The following MTUS2 variants were observed in gnomAD, a reference collection of about 807,000 sequenced individuals.
The protein encoded by MTUS2 is microtubule-associated tumor suppressor candidate 2.
A neutral mutation model predicts 114.1 loss-of-function variants in MTUS2; 40 were observed. The observed-to-expected ratio is 0.35, with a 90% CI of 0.27 to 0.46. The LOEUF is 0.46. MTUS2 is among the 20% of genes least tolerant of loss of function. The pLI is 1.00. For synonymous variants in MTUS2, 688 were observed against 672.0 expected, an observed-to-expected ratio of 1.02 and a Z score of -0.37; for missense variants, 1,679 against 1,705.4, an observed-to-expected ratio of 0.98 and a Z score of 0.27.
intron 5 of MTUS2, among the ~76,000 whole-genome samples, chr13:29,116,809 A>G (rs1048670948): frequency 2.6e-5 from 4 of 152,140 alleles, no homozygotes; most frequent in Non-Finnish European, 4.4e-5. Flanking sequence ...CCCATCCTGG[A>G]TGGGACTGAA....
intron 5 of MTUS2, among the ~76,000 whole-genome samples, chr13:29,148,201 T>A (rs2139028169): frequency 7.0e-6 from 1 of 142,540 alleles, no homozygotes; most frequent in South Asian, 2.2e-4. Flanking sequence ...GATGTTGAGC[T>A]TTTTTTTTTT....
chr13:28,951,542 T>C (rs1388978425), intron 2 of MTUS2, among the ~76,000 whole-genome samples: 1 of 152,184 alleles, frequency 6.6e-6, no homozygotes, highest in Non-Finnish European at 1.5e-5. Flanking sequence ...CTCACACCTG[T>C]AATCCCAGCA....
chr13:29,061,422 T>C (rs541697455), intron 4 of MTUS2, among the ~76,000 whole-genome samples: 164 of 152,354 alleles, frequency 1.1e-3, no homozygotes, highest in African/African-American at 3.7e-3. Flanking sequence ...GCCTCATAGC[T>C]GTTCTTTCCT....
At chr13:28,956,264 T>G (rs908350952) in intron 2 of MTUS2, among the ~76,000 whole-genome samples, 5 of 152,146 alleles carry the variant, frequency 3.3e-5, no homozygotes, top group African/African-American at 1.2e-4. Context: ...CCGCCATGGT[T>G]GTCACTAGCT....
At chr13:29,128,394 A>C (rs1891609358) in intron 5 of MTUS2, among the ~76,000 whole-genome samples, 1 of 152,216 alleles carries the variant, frequency 6.6e-6, no homozygotes, top group East Asian at 1.9e-4. Context: ...GCCCAGAGAC[A>C]GATGATGCAG....
intron 1 of MTUS2, among the ~76,000 whole-genome samples, chr13:28,832,958 T>G (rs1566165162): frequency 6.6e-6 from 1 of 151,962 alleles, no homozygotes; most frequent in Non-Finnish European, 1.5e-5. Context: ...TTCAACAAAT[T>G]ATATAACCTG....
intron 8 of MTUS2, among the ~76,000 whole-genome samples, chr13:29,408,415 A>G (rs1411380491): frequency 6.6e-6 from 1 of 152,202 alleles, no homozygotes; most frequent in African/African-American, 2.4e-5. Flanking sequence ...TCCTGGGCTC[A>G]AGCGATCCTC....
chr13:29,412,229 A>G (rs1042227079), intron 8 of MTUS2, among the ~76,000 whole-genome samples: 1 of 152,198 alleles, frequency 6.6e-6, no homozygotes, highest in African/African-American at 2.4e-5. Context: ...GATTTTTATC[A>G]GGTTAAGGTG....
At chr13:29,410,862 C>T (rs1267904092) in intron 8 of MTUS2, among the ~76,000 whole-genome samples, 2 of 151,584 alleles carry the variant, frequency 1.3e-5, no homozygotes, top group African/African-American at 2.4e-5. Context: ...GACAGAGTCT[C>T]ACCCTGTTGC....
At chr13:29,417,876 A>C (rs1297327285) in intron 8 of MTUS2, among the ~76,000 whole-genome samples, 1 of 152,102 alleles carries the variant, frequency 6.6e-6, no homozygotes, top group Admixed American at 6.6e-5. Flanking sequence ...CTGCTTATTC[A>C]GTTTTTTCCA....
At chr13:29,446,928 C>T (rs1037606245) in intron 9 of MTUS2, among the ~76,000 whole-genome samples, 4 of 152,096 alleles carry the variant, frequency 2.6e-5, no homozygotes, top group African/African-American at 7.2e-5. Context: ...GCTGAATTTG[C>T]TCATATTTGT....
intron 1 of MTUS2, among the ~76,000 whole-genome samples, chr13:28,828,046 G>A (rs1300978589): frequency 6.6e-6 from 1 of 152,124 alleles, no homozygotes; most frequent in Non-Finnish European, 1.5e-5. Flanking sequence ...GGAGCGCTAC[G>A]GGAGACTGGG....
intron 5 of MTUS2, among the ~76,000 whole-genome samples, chr13:29,195,270 T>C (rs1894638933): frequency 8.1e-6 from 1 of 123,006 alleles, no homozygotes; most frequent in African/African-American, 3.0e-5. Context: ...AAAATAAAAG[T>C]AATACAGGTT....
chr13:29,316,827 C>T (rs757931310), intron 6 of MTUS2, among the ~76,000 whole-genome samples: 2 of 152,212 alleles, frequency 1.3e-5, no homozygotes, highest in Non-Finnish European at 2.9e-5. Context: ...TACACAGAAG[C>T]AACTGCAACC....
intron 5 of MTUS2, among the ~76,000 whole-genome samples, chr13:29,183,446 T>C (rs376429339): frequency 1.6e-4 from 25 of 152,294 alleles, no homozygotes; most frequent in Non-Finnish European, 2.8e-4. Context: ...GAATTATCTA[T>C]TAGACTTCTA....
intron 9 of MTUS2, among the ~76,000 whole-genome samples, chr13:29,463,259 C>T (rs1384620179): frequency 6.6e-6 from 1 of 152,108 alleles, no homozygotes; most frequent in Non-Finnish European, 1.5e-5. Flanking sequence ...TGATTTGAGC[C>T]TAGTGAGACC....
intron 2 of MTUS2, among the ~76,000 whole-genome samples, chr13:29,007,962 G>A (rs1345368439): frequency 6.6e-6 from 1 of 152,138 alleles, no homozygotes; most frequent in African/African-American, 2.4e-5. Context: ...AACCATATAT[G>A]ATTATTATTT....
intron 2 of MTUS2, among the ~76,000 whole-genome samples, chr13:28,973,277 A>T (rs1883939411): frequency 6.6e-6 from 1 of 152,342 alleles, no homozygotes; most frequent in East Asian, 1.9e-4. Flanking sequence ...TCTGACAGGT[A>T]ACTCCATGGA....
intron 2 of MTUS2, among the ~76,000 whole-genome samples, chr13:28,917,581 T>C (rs1435169540): frequency 6.6e-6 from 1 of 151,710 alleles, no homozygotes; most frequent in Non-Finnish European, 1.5e-5. Context: ...TTTTTTTTCA[T>C]TTCTGATTTT....
Sources: gnomAD v4.1 joint callset for allele counts (sites outside exome capture counted in the v4.1 genomes callset) on GRCh38, gnomAD v4.1.1 for gene constraint, MANE v1.5 for transcripts, NCBI Gene and HGNC (gene_info 2026-07-23, HGNC 2026-07-21) for gene names.